Variants in PLBD1 observed in about 807,000 individuals in gnomAD.
The protein encoded by PLBD1 is phospholipase B domain containing 1.
PLBD1 carries 60 observed loss-of-function variants against 63.0 expected under a neutral mutation model. The observed-to-expected ratio is 0.95, with a 90% CI of 0.77 to 1.18. The LOEUF (loss-of-function observed/expected upper bound fraction) is 1.18, where lower values mean the gene tolerates loss of function less well. Ranked by LOEUF, PLBD1 falls within the 50% of genes most tolerant of loss-of-function variation. PLBD1 has a pLI of 0.00. For synonymous variants in PLBD1, 262 were observed against 248.0 expected (o/e 1.06, Z -0.53); for missense variants, 598 against 677.9 (o/e 0.88, Z 1.31).
rs760314719 is a variant in PLBD1, at chr12:14,511,641, A to G, written c.915T>C (p.Ser305=). 35 of 1,614,082 alleles carry G rather than the reference A, an allele frequency of 2.2e-5. No homozygotes were observed. The highest frequency in any genetic ancestry group is 2.8e-5 in the Non-Finnish European group (33 of 1,180,036). The change falls in exon 7 of 11, where the codon AGT becomes AGC. Residue 305 remains serine (S), a synonymous_variant. Coordinates refer to ENST00000240617, the MANE Select transcript of PLBD1 (RefSeq NM_024829.6). ...SGLILLQTTN[S]VFNKTLLKQV... ...GCTTTAGCAGGGTTTTATTAAACAC[A>G]CTGTTTGTGGTCTGCAGCAATATCA...
chr12:14,562,101 C>T (rs1342146397), intron 1 of PLBD1, among the ~76,000 whole-genome samples: 2 of 152,166 alleles, frequency 1.3e-5, no homozygotes, highest in South Asian at 2.1e-4. Context: ...CTGTCTCTTT[C>T]GTTGAAGTGC....
At chr12:14,534,425 T>A (rs1425755410) in intron 6 of PLBD1, among the ~76,000 whole-genome samples, 1 of 152,202 alleles carries the variant, frequency 6.6e-6, no homozygotes, top group East Asian at 1.9e-4. Context: ...CATAGTTTTA[T>A]CTTAAGTTGG....
chr12:14,542,404 C>A, intron 2 of PLBD1, 113 bp from the exon 3 acceptor site: 2 of 716,612 alleles, frequency 2.8e-6, no homozygotes, highest in South Asian at 1.9e-5. Flanking sequence ...ACAAACTCTG[C>A]CTACTATCTT....
chr12:14,534,768 T>A (rs1333227522), intron 6 of PLBD1, among the ~76,000 whole-genome samples: 3 of 152,200 alleles, frequency 2.0e-5, no homozygotes, highest in East Asian at 1.9e-4. Flanking sequence ...GGTCTCAATC[T>A]CCTGACCTCG....
At chr12:14,516,297 C>G (rs1418323979) in intron 6 of PLBD1, among the ~76,000 whole-genome samples, 1 of 152,162 alleles carries the variant, frequency 6.6e-6, no homozygotes, top group Non-Finnish European at 1.5e-5. Context: ...CCATTGCACT[C>G]TAGCCTCGGT....
intron 4 of PLBD1, among the ~76,000 whole-genome samples, chr12:14,538,096 A>AT (rs1418050048): frequency 2.0e-5 from 3 of 151,148 alleles, no homozygotes; most frequent in Non-Finnish European, 3.0e-5. Context: ...GTTCACCTTG[A>AT]TTTTTTTTGT....
chr12:14,533,546 T>C (rs1467497608), intron 6 of PLBD1, among the ~76,000 whole-genome samples: 1 of 152,228 alleles, frequency 6.6e-6, no homozygotes, highest in Non-Finnish European at 1.5e-5. Flanking sequence ...CTGTTAACAC[T>C]ACTGGAGAGC....
intron 4 of PLBD1, among the ~76,000 whole-genome samples, chr12:14,540,089 G>C (rs1945558200): frequency 2.3e-5 from 1 of 43,682 alleles, no homozygotes; most frequent in Non-Finnish European, 4.4e-5. Context: ...CAAAAAGAGA[G>C]TTATATAATA....
rs2136900443 is a variant in PLBD1, at chr12:14,503,999, G to A, written c.1480-45C>T. 5 of 1,537,614 alleles carry A rather than the reference G, an allele frequency of 3.3e-6. No individual in the cohort carries two copies. In the East Asian group the frequency reaches 9.2e-5, roughly 28 times the overall value. ...GGACATTTTAGAAAATCATCGTTCA[G>A]CAAAAAATTAAATCCATGGCCTTCC... On this transcript the variant is annotated intron_variant, in intron 10 of 10. Coordinates refer to ENST00000240617, the MANE Select transcript of PLBD1 (RefSeq NM_024829.6).
chr12:14,538,660 T>C (rs1278601971), intron 4 of PLBD1, among the ~76,000 whole-genome samples: 2 of 152,240 alleles, frequency 1.3e-5, no homozygotes, highest in Non-Finnish European at 2.9e-5. Context: ...AGTCTATGTG[T>C]AGGATAAATT....
At chr12:14,549,830 T>G (rs7960712) in intron 2 of PLBD1, among the ~76,000 whole-genome samples, 147,658 of 152,180 alleles carry the variant, frequency 0.97, 71,724 homozygotes, top group East Asian at 1. Flanking sequence ...ACCATGCCAG[T>G]CTAATTTTTG....
intron 2 of PLBD1, among the ~76,000 whole-genome samples, chr12:14,551,727 T>C (rs1034974197): frequency 6.6e-6 from 1 of 152,214 alleles, no homozygotes; most frequent in Non-Finnish European, 1.5e-5. Context: ...AATAACCCAC[T>C]GTATATGTCA....
chr12:14,542,939 C>T (rs900860088), intron 2 of PLBD1, among the ~76,000 whole-genome samples: 4 of 151,642 alleles, frequency 2.6e-5, no homozygotes, highest in African/African-American at 9.7e-5. Context: ...CCCAGCTACT[C>T]GGGAGGCTGA....
intron 6 of PLBD1, among the ~76,000 whole-genome samples, chr12:14,533,687 A>G (rs930987194): frequency 1.3e-5 from 2 of 152,240 alleles, no homozygotes; most frequent in Admixed American, 6.5e-5. Flanking sequence ...GTGTAATAGA[A>G]TGTGAAAGAA....
chr12:14,526,933 T>C (rs563362640), intron 6 of PLBD1, among the ~76,000 whole-genome samples: 19 of 152,190 alleles, frequency 1.2e-4, no homozygotes, highest in Admixed American at 5.2e-4. Context: ...GATTGCACCA[T>C]TGCACTCCAG....
intron 10 of PLBD1, among the ~76,000 whole-genome samples, chr12:14,505,690 A>C (rs1378311208): frequency 6.6e-6 from 1 of 152,240 alleles, no homozygotes; most frequent in Non-Finnish European, 1.5e-5. Flanking sequence ...TGCTTTAGGC[A>C]TCTTGTCCAA....
chr12:14,511,825 A>G, intron 6 of PLBD1, 114 bp from the exon 7 acceptor site: 1 of 1,025,860 alleles, frequency 9.7e-7, no homozygotes, highest in Admixed American at 2.1e-5. Context: ...ATCAGTTATT[A>G]CTATCCTTGA....
intron 4 of PLBD1, among the ~76,000 whole-genome samples, chr12:14,536,962 G>A (rs916212580): frequency 1.3e-5 from 2 of 151,684 alleles, no homozygotes; most frequent in Non-Finnish European, 2.9e-5. Context: ...GGTGGCGGGC[G>A]CCTGTAGTCC....
chr12:14,525,725 A>ACACACGCACACACACTT (rs57220320), intron 6 of PLBD1, among the ~76,000 whole-genome samples: 24 of 151,872 alleles, frequency 1.6e-4, no homozygotes, highest in African/African-American at 5.3e-4. Context: ...GCACACACAC[A>ACACACGCACACACACTT]CTTGTTTTAA....
Sources: allele counts gnomAD v4.1 joint callset (sites outside exome capture counted in the v4.1 genomes callset), GRCh38; gene constraint gnomAD v4.1.1; transcripts MANE v1.5; gene names NCBI Gene and HGNC (gene_info 2026-07-23, HGNC 2026-07-21).